The following KDM2A variants were observed in gnomAD, a reference collection of about 807,000 sequenced individuals.
KDM2A encodes lysine-specific demethylase 2A.
A neutral mutation model predicts 137.3 loss-of-function variants in KDM2A; 3 were observed. The observed-to-expected ratio is 0.02, with a 90% CI of 0.01 to 0.06. The LOEUF is 0.06. Ranked by LOEUF, KDM2A falls within the 10% of genes least tolerant of loss-of-function variation. The probability of loss-of-function intolerance (pLI) is 1.00; values close to 1 mark genes in which losing one functional copy is unlikely to be tolerated. For synonymous variants in KDM2A, 512 were observed against 541.5 expected (o/e 0.95, Z 0.76); for missense variants, 738 against 1,510.6 (o/e 0.49, Z 8.48).
chr11:67,167,360 G>A (rs1856769636), intron 2 of KDM2A, among the ~76,000 whole-genome samples: 1 of 152,162 alleles, frequency 6.6e-6, no homozygotes, highest in Admixed American at 6.5e-5. Flanking sequence ...ATGGTATGCA[G>A]GAAGGCAGGC....
intron 10 of KDM2A, among the ~76,000 whole-genome samples, chr11:67,220,221 A>G (rs1271253140): frequency 1.3e-5 from 2 of 152,052 alleles, no homozygotes; most frequent in Non-Finnish European, 2.9e-5. Context: ...TGTGTTGCCC[A>G]GGCTTGTCTT....
At chr11:67,135,383 C>G (rs192788435) in intron 2 of KDM2A, among the ~76,000 whole-genome samples, 108 of 151,898 alleles carry the variant, frequency 7.1e-4, no homozygotes, top group African/African-American at 2.5e-3. Flanking sequence ...TTTTGATACT[C>G]TCTTTGAAGG....
rs377089276 is a variant in KDM2A at position 67,243,132 on chromosome 11, C to G, written c.1563+40C>G. The G allele has an allele frequency of 4.8e-6, 7 of 1,460,354 alleles. No homozygotes were observed. The African/African-American group carries it at 9.8e-5, about 20-fold the overall frequency. The allele number at this position is 1,460,354 out of a possible 1,614,324, so 90.5% of individuals were successfully genotyped here. Reference sequence around the variant, plus strand: ...TCCTTGATCTTTAGGCTGCTTAAGCCTTTTGTTAGTTGATCATTACCATTC... The same window carrying G: ...TCCTTGATCTTTAGGCTGCTTAAGCGTTTTGTTAGTTGATCATTACCATTC... On this transcript the variant is annotated intron_variant, in intron 13 of 20. Transcript: ENST00000529006.
intron 2 of KDM2A, among the ~76,000 whole-genome samples, chr11:67,161,296 A>G (rs890788987): frequency 6.6e-6 from 1 of 152,220 alleles, no homozygotes; most frequent in Non-Finnish European, 1.5e-5. Flanking sequence ...GACTTTTTCA[A>G]TCTATAGAAA....
intron 2 of KDM2A, among the ~76,000 whole-genome samples, chr11:67,123,494 T>C (rs1565367281): frequency 6.6e-6 from 1 of 152,104 alleles, no homozygotes; most frequent in Non-Finnish European, 1.5e-5. Context: ...TTTTTATTTT[T>C]ACATTTCTTG....
chr11:67,134,360 A>G (rs1371012737), intron 2 of KDM2A, among the ~76,000 whole-genome samples: 2 of 152,188 alleles, frequency 1.3e-5, no homozygotes, highest in African/African-American at 2.4e-5. Flanking sequence ...GGACAGCCCT[A>G]ACTACGATGA....
At chr11:67,246,192 T>TG in intron 15 of KDM2A, 76 bp downstream of exon 15, 1 of 1,527,906 alleles carries the variant, frequency 6.5e-7, no homozygotes, top group Non-Finnish European at 9.0e-7. Context: ...ACACTTGTGA[T>TG]GGGAGTGCCA....
chr11:67,215,834 G>A (rs1858144602), intron 7 of KDM2A, 22 bp from the exon 8 acceptor site: 14 of 1,600,152 alleles, frequency 8.7e-6, no homozygotes, highest in Non-Finnish European at 1.1e-5. Context: ...GTACACTAAT[G>A]CTGCTGCTTT....
chr11:67,187,732 C>T (rs1310578377), intron 5 of KDM2A, among the ~76,000 whole-genome samples: 1 of 152,142 alleles, frequency 6.6e-6, no homozygotes, highest in Non-Finnish European at 1.5e-5. Context: ...CGCCACCACG[C>T]CCGGCTAAAT....
At chr11:67,137,887 T>G (rs563077034) in intron 2 of KDM2A, among the ~76,000 whole-genome samples, 1 of 152,082 alleles carries the variant, frequency 6.6e-6, no homozygotes, top group Non-Finnish European at 1.5e-5. Context: ...AACCTCTGCC[T>G]CCCAGGTTCA....
At chr11:67,215,246 G>T (rs189683982) in intron 6 of KDM2A, 94 bp from the exon 7 acceptor site, 4 of 690,676 alleles carry the variant, frequency 5.8e-6, no homozygotes, top group Admixed American at 2.7e-5. Context: ...TTTTTGTTAT[G>T]TATTTTAAGA....
intron 2 of KDM2A, among the ~76,000 whole-genome samples, chr11:67,161,021 C>T (rs1856624641): frequency 6.6e-6 from 1 of 152,140 alleles, no homozygotes; most frequent in South Asian, 2.1e-4. Flanking sequence ...GCTGACGGAG[C>T]TTGGACTTCT....
intron 2 of KDM2A, among the ~76,000 whole-genome samples, chr11:67,141,777 A>G (rs371544278): frequency 4.0e-5 from 6 of 150,120 alleles, no homozygotes; most frequent in Middle Eastern, 3.5e-3. Context: ...TTCTAACTGT[A>G]TGTTCATGCC....
At chr11:67,155,653 G>T (rs1415764923) in intron 2 of KDM2A, among the ~76,000 whole-genome samples, 1 of 150,938 alleles carries the variant, frequency 6.6e-6, no homozygotes, top group East Asian at 2.0e-4. Flanking sequence ...TTTTGTTGTT[G>T]TTGCCCAGGC....
chr11:67,194,675 AAAATGTAGGTGGTATTAAACC>A (rs1171961490), intron 5 of KDM2A, among the ~76,000 whole-genome samples: 2 of 152,208 alleles, frequency 1.3e-5, no homozygotes, highest in African/African-American at 4.8e-5. Flanking sequence ...GCCTCTAATA[AAAATGTAGGTGGTATTAAACC>A]ACAAGCTAGA....
intron 5 of KDM2A, among the ~76,000 whole-genome samples, chr11:67,195,317 C>T (rs190733919): frequency 2.3e-3 from 295 of 128,828 alleles, no homozygotes; most frequent in African/African-American, 8.0e-3. Context: ...TGCAGTGAGC[C>T]GAGATCGCAC....
intron 5 of KDM2A, among the ~76,000 whole-genome samples, chr11:67,184,022 C>T (rs1401971311): frequency 6.7e-6 from 1 of 149,442 alleles, no homozygotes; most frequent in Non-Finnish European, 1.5e-5. Context: ...TCCTTGAGCC[C>T]TGGAGGCTGA....
intron 12 of KDM2A, among the ~76,000 whole-genome samples, chr11:67,237,901 C>A (rs1319063507): frequency 2.0e-5 from 3 of 149,294 alleles, no homozygotes; most frequent in African/African-American, 7.4e-5. Context: ...GCCTGGGCAA[C>A]AAAGCGAGAC....
At chr11:67,191,403 C>T (rs1294065801) in intron 5 of KDM2A, among the ~76,000 whole-genome samples, 1 of 152,114 alleles carries the variant, frequency 6.6e-6, no homozygotes, top group African/African-American at 2.4e-5. Flanking sequence ...TACAAGAAAA[C>T]TACAAATCAA....
Sources: gnomAD v4.1 joint callset for allele counts (sites outside exome capture counted in the v4.1 genomes callset) on GRCh38, gnomAD v4.1.1 for gene constraint, MANE v1.5 for transcripts, NCBI Gene and HGNC (gene_info 2026-07-23, HGNC 2026-07-21) for gene names.